SMC1B: variants seen among roughly 807,000 people sequenced by gnomAD.
The protein encoded by SMC1B is structural maintenance of chromosomes 1B.
In SMC1B, 60 loss-of-function variants were observed where a neutral mutation model predicts 157.9. The observed-to-expected ratio is 0.38, with a 90% CI of 0.31 to 0.47. The LOEUF is 0.47. Among genes scored for constraint, SMC1B ranks in the 20% least tolerant of loss-of-function variants. The pLI is 0.99. For missense variants in SMC1B, 1,165 were observed against 1,426.2 expected (o/e 0.82, Z 2.95); for synonymous variants, 445 against 483.0 (o/e 0.92, Z 1.03).
chr22:45,370,109 T>C (rs575884297), intron 14 of SMC1B, 49 bp from the exon 15 acceptor site: 3 of 1,050,798 alleles, frequency 2.9e-6, no homozygotes, highest in Admixed American at 3.0e-5. Flanking sequence ...TTTTAAGAAA[T>C]ATATAATCTT....
At chr22:45,350,333 A>AGT (rs1230564530) in intron 22 of SMC1B, among the ~76,000 whole-genome samples, 1 of 150,544 alleles carries the variant, frequency 6.6e-6, no homozygotes, top group Middle Eastern at 3.2e-3. Flanking sequence ...GCTGGAGTGC[A>AGT]GTGGCACAAT....
At position 45,393,686 on chromosome 22, in the gene SMC1B, T is replaced by C. The variant is rs1415029279; in HGVS notation, c.1493A>G (p.Gln498Arg). ...GIDTHEGKRQ[Q>R]KRAEVLEHLK... The stretch of plus-strand genomic sequence containing the variant: ...GTGTTCCAGAACCTCTGCTCTCTTT[T>C]GCTGACGTTTTCCCTCATGGGTATC... Residue 498 changes from glutamine (Q) to arginine (R), a missense_variant, in exon 9 of 25, where the codon CAA becomes CGA. Gln to Arg is a conservative substitution (Grantham distance 43). Coordinates refer to ENST00000357450, the MANE Select transcript of SMC1B (RefSeq NM_148674.5). 1.2e-6 allele frequency: 2 copies of C among 1,614,072 alleles called. No homozygotes were observed. The highest frequency in any genetic ancestry group is 2.7e-5 in the African/African-American group (2 of 74,942).
At chr22:45,359,757 T>C in intron 18 of SMC1B, 48 bp downstream of exon 18, 1 of 1,581,108 alleles carries the variant, frequency 6.3e-7, no homozygotes, top group African/African-American at 1.3e-5. Context: ...GGGCAATGCA[T>C]TAAGTTCCAC....
At position 45,412,498 on chromosome 22, in the gene SMC1B, C is replaced by CT. The variant is rs56894434; in HGVS notation, c.109+960dup. ...ACAGGTGTGAGCCACCGCGCCCAGCCTTTTTTTTTTTTTTTTTTTTTTTTT... is the reference window on the plus strand; with the variant it reads ...ACAGGTGTGAGCCACCGCGCCCAGCCTTTTTTTTTTTTTTTTTTTTTTTTTT... On this transcript the variant is annotated intron_variant, in intron 1 of 24. Coordinates refer to ENST00000357450, the MANE Select transcript of SMC1B (RefSeq NM_148674.5). 7.7e-3 allele frequency among the ~76,000 whole-genome samples: 501 copies of CT among 65,438 alleles called. 64 individuals are homozygous for CT. The highest frequency in any genetic ancestry group is 9.8e-3 in the Non-Finnish European group (371 of 37,708). 42.9% of individuals were successfully genotyped at this position (65,438 alleles called of 152,430 possible).
chr22:45,345,582 AAAAC>A lies in SMC1B; in HGVS notation c.3496-17_3496-14del, dbSNP rs1317136980. 9 of 1,499,440 alleles carry A rather than the reference AAAAC, an allele frequency of 6.0e-6. No homozygotes were observed. The highest frequency in any genetic ancestry group is 8.4e-6 in the Non-Finnish European group (9 of 1,075,730). 92.9% of individuals were successfully genotyped at this position (1,499,440 alleles called of 1,614,324 possible). On this transcript the variant is annotated splice_polypyrimidine_tract_variant and intron_variant, in intron 23 of 24. Transcript: ENST00000357450. ...TGTAACTTGACACCTGGAAGAAATA[AAAAC>A]ACACATTTCACTAGGAAGGAAAGGC...
At chr22:45,373,043 C>CCAA (rs535354916) in intron 12 of SMC1B, among the ~76,000 whole-genome samples, 32 of 152,146 alleles carry the variant, frequency 2.1e-4, no homozygotes, top group Non-Finnish European at 4.3e-4. Flanking sequence ...ACTCTTTCAA[C>CCAA]CAACTGCCAA....
chr22:45,360,346 CACT>C (rs1210660749), intron 17 of SMC1B, among the ~76,000 whole-genome samples: 1 of 152,124 alleles, frequency 6.6e-6, no homozygotes, highest in African/African-American at 2.4e-5. Context: ...CTACCACCAC[CACT>C]AATGTAGTAA....
intron 1 of SMC1B, among the ~76,000 whole-genome samples, chr22:45,412,704 G>A (rs1476190629): frequency 1.3e-5 from 2 of 151,954 alleles, no homozygotes; most frequent in African/African-American, 2.4e-5. Flanking sequence ...ACCTCCGCAG[G>A]TCCTCTGGCC....
intron 15 of SMC1B, 59 bp from the exon 16 acceptor site, chr22:45,363,085 T>C: frequency 2.4e-6 from 3 of 1,229,886 alleles, no homozygotes; most frequent in Non-Finnish European, 3.3e-6. Flanking sequence ...TCCTTCTTTT[T>C]TCTTATGGGA....
At chr22:45,345,405 T>G (rs1602037138) in intron 24 of SMC1B, 54 bp downstream of exon 24, 7 of 1,062,952 alleles carry the variant, frequency 6.6e-6, no homozygotes, top group Non-Finnish European at 1.4e-6. Flanking sequence ...GCTGTCAGGG[T>G]ACTAAGGGAA....
chr22:45,367,108 G>T (rs1191165391), intron 15 of SMC1B, among the ~76,000 whole-genome samples: 1 of 152,084 alleles, frequency 6.6e-6, no homozygotes, highest in Non-Finnish European at 1.5e-5. Context: ...GTCTCACTAG[G>T]CTCAGTTACT....
At chr22:45,348,489 T>C (rs1442746091) in intron 23 of SMC1B, among the ~76,000 whole-genome samples, 2 of 152,202 alleles carry the variant, frequency 1.3e-5, no homozygotes, top group Admixed American at 6.5e-5. Context: ...TCTTTTGGAA[T>C]TTAGAGATGG....
chr22:45,375,371 C>T (rs2086874583), intron 12 of SMC1B, among the ~76,000 whole-genome samples: 1 of 152,216 alleles, frequency 6.6e-6, no homozygotes, highest in Non-Finnish European at 1.5e-5. Context: ...TGTGCTCTGA[C>T]CACCTTGGGC....
rs757305764 is a variant in SMC1B, at chr22:45,358,804, T to C, written c.2863-9A>G. ...TCTGCTTCAGTTCCCATCTGAAAAATATGTGAACACATACATTTGTTGATT... is the reference window on the plus strand; with the variant it reads ...TCTGCTTCAGTTCCCATCTGAAAAACATGTGAACACATACATTTGTTGATT... On this transcript the variant is annotated splice_polypyrimidine_tract_variant and intron_variant, in intron 18 of 24. Coordinates refer to ENST00000357450, the MANE Select transcript of SMC1B (RefSeq NM_148674.5). 1.9e-6 allele frequency: 3 copies of C among 1,589,632 alleles called. No individual in the cohort carries two copies. The highest frequency in any genetic ancestry group is 2.6e-6 in the Non-Finnish European group (3 of 1,159,716).
intron 5 of SMC1B, 39 bp downstream of exon 5, chr22:45,402,294 A>C (rs769729075): frequency 1.5e-6 from 2 of 1,366,498 alleles, no homozygotes; most frequent in South Asian, 2.5e-5. Context: ...ATCAAGCTAC[A>C]TATAACCCAA....
At chr22:45,400,472 A>C (rs1280213738) in intron 5 of SMC1B, among the ~76,000 whole-genome samples, 1 of 152,236 alleles carries the variant, frequency 6.6e-6, no homozygotes, top group Non-Finnish European at 1.5e-5. Context: ...TTATAACTCT[A>C]AATGTAAAAT....
At chr22:45,407,155 A>C (rs2087271381) in intron 2 of SMC1B, among the ~76,000 whole-genome samples, 1 of 152,194 alleles carries the variant, frequency 6.6e-6, no homozygotes, top group Admixed American at 6.5e-5. Context: ...TCACTAAGCC[A>C]AAGGGAAAAG....
At chr22:45,372,046 G>C (rs967426107) in intron 13 of SMC1B, 109 bp downstream of exon 13, 17 of 990,316 alleles carry the variant, frequency 1.7e-5, no homozygotes, top group Non-Finnish European at 2.3e-5. Context: ...CTCTGTCTCA[G>C]GAAAAAAAAA....
chr22:45,391,701 A>G (rs1279876993), intron 9 of SMC1B, among the ~76,000 whole-genome samples: 1 of 152,174 alleles, frequency 6.6e-6, no homozygotes, highest in Non-Finnish European at 1.5e-5. Context: ...AAGGGATTGG[A>G]TGGTAGGGGC....
Sources: gnomAD v4.1 joint callset for allele counts (sites outside exome capture counted in the v4.1 genomes callset) on GRCh38, gnomAD v4.1.1 for gene constraint, MANE v1.5 for transcripts, NCBI Gene and HGNC (gene_info 2026-07-23, HGNC 2026-07-21) for gene names.